The following CHST11 variants were observed in gnomAD, a reference collection of about 807,000 sequenced individuals.
CHST11 encodes the protein C4S-1.
A neutral mutation model predicts 30.4 loss-of-function variants in CHST11; 9 were observed. The ratio of observed to expected loss-of-function variants is 0.30; its 90% confidence interval spans 0.18 to 0.52. The LOEUF (loss-of-function observed/expected upper bound fraction) is 0.52. Among genes scored for constraint, CHST11 ranks in the 20% least tolerant of loss-of-function variants. The pLI, the probability that CHST11 is intolerant of heterozygous loss-of-function variation, is 0.97. For synonymous variants in CHST11, 152 were observed against 187.8 expected, an observed-to-expected ratio of 0.81 and a Z score of 1.56; for missense variants, 348 against 460.6, an observed-to-expected ratio of 0.76 and a Z score of 2.24.
chr12:104,524,039 CTTTTTTTT>C lies in CHST11; in HGVS notation c.118+66521_118+66528del, dbSNP rs10594720. On this transcript the variant is annotated intron_variant, in intron 1 of 2. Coordinates refer to ENST00000303694, the MANE Select transcript of CHST11 (RefSeq NM_018413.6). The stretch of plus-strand genomic sequence containing the variant: ...CCAGATATTTTTGTTTTCTTTCTTT[CTTTTTTTT>C]TTTTTTTTTTGCCTCTCAATTGGAG... 8.1e-3 allele frequency among the ~76,000 whole-genome samples: 1,041 copies of C among 128,060 alleles called. 11 individuals carry two copies. Among genetic ancestry groups the C allele is most frequent in the Middle Eastern group, 0.028 (7 of 254 alleles). 84.0% of individuals were successfully genotyped at this position (128,060 alleles called of 152,430 possible). A position where few individuals can be genotyped will look rare whatever the true frequency, so the allele number is the denominator to read the frequency against.
chr12:104,626,526 T>C (rs1042061012), intron 2 of CHST11, among the ~76,000 whole-genome samples: 1 of 150,690 alleles, frequency 6.6e-6, no homozygotes, highest in Admixed American at 6.6e-5. Flanking sequence ...GAGAGGGTTC[T>C]GTACATTTGT....
chr12:104,754,229 C>T (rs891919910), intron 2 of CHST11, among the ~76,000 whole-genome samples: 22 of 152,178 alleles, frequency 1.4e-4, no homozygotes, highest in African/African-American at 5.1e-4. Context: ...CATCGTATCC[C>T]GGCTAGGACC....
intron 2 of CHST11, among the ~76,000 whole-genome samples, chr12:104,726,326 C>G (rs1307290420): frequency 1.3e-5 from 2 of 152,116 alleles, no homozygotes; most frequent in African/African-American, 4.8e-5. Flanking sequence ...ATTTGTACAT[C>G]CCCTGGTGCA....
At chr12:104,502,447 C>T (rs2037861388) in intron 1 of CHST11, among the ~76,000 whole-genome samples, 1 of 152,020 alleles carries the variant, frequency 6.6e-6, no homozygotes, top group Non-Finnish European at 1.5e-5. Context: ...TTTTCGAGTA[C>T]CCATTGGTTG....
At chr12:104,520,745 G>A (rs940396881) in intron 1 of CHST11, among the ~76,000 whole-genome samples, 16 of 152,176 alleles carry the variant, frequency 1.1e-4, no homozygotes, top group African/African-American at 2.4e-4. Flanking sequence ...GCATGGGAGC[G>A]GGGATGGCAG....
rs115005088 is a variant in CHST11 at position 104,729,475 on chromosome 12, C to G, written c.205-27474C>G. On this transcript the variant is annotated intron_variant, in intron 2 of 2. Transcript: ENST00000303694. The surrounding 1 kb of genome is among the most constrained non-coding windows in gnomAD (Gnocchi z 4.0). ...TTGTGAAGAATGCAGATTCCTGTGC[C>G]CAGATTGGGTTTCTGGGAGCAGGGC... is the stretch of plus-strand genomic sequence containing the variant. 6.2e-3 allele frequency among the ~76,000 whole-genome samples: 949 copies of G among 152,224 alleles called. 16 individuals carry two copies. The highest frequency in any genetic ancestry group is 0.021 in the African/African-American group (891 of 41,530).
chr12:104,478,291 T>C (rs2037584382), intron 1 of CHST11, among the ~76,000 whole-genome samples: 1 of 152,164 alleles, frequency 6.6e-6, no homozygotes. Context: ...TTATTTTCTT[T>C]TCTTAAACAT....
intron 1 of CHST11, among the ~76,000 whole-genome samples, chr12:104,557,887 G>A (rs1444060055): frequency 6.6e-6 from 1 of 152,082 alleles, no homozygotes; most frequent in African/African-American, 2.4e-5. Context: ...AAGCCTTCGT[G>A]GGGGTGTAGG....
chr12:104,691,667 C>A (rs1183606955), intron 2 of CHST11, among the ~76,000 whole-genome samples: 2 of 151,694 alleles, frequency 1.3e-5, no homozygotes, highest in African/African-American at 4.8e-5. Flanking sequence ...TTTTTTTATT[C>A]TTCATACAGT....
chr12:104,538,514 C>A (rs1001710267), intron 1 of CHST11, among the ~76,000 whole-genome samples: 1 of 152,160 alleles, frequency 6.6e-6, no homozygotes, highest in Non-Finnish European at 1.5e-5. Context: ...AGTCATTATA[C>A]GCAGCCTAAA....
rs1245753530 is a variant in CHST11, at chr12:104,628,078, A to T, written c.204+26087A>T. Among the ~76,000 whole-genome samples, 36 of 152,168 alleles carry T rather than the reference A, an allele frequency of 2.4e-4. 1 individual carries two copies. Among genetic ancestry groups the T allele is most frequent in the Admixed American group, 2.4e-3 (36 of 15,280 alleles). The stretch of plus-strand genomic sequence containing the variant: ...TAATCCCCAGCCATCTAATGCCCTT[A>T]TCCCCTTCCCCGCTGCCTGGCACAG... On this transcript the variant is annotated intron_variant, in intron 2 of 2. Coordinates refer to ENST00000303694, the MANE Select transcript of CHST11 (RefSeq NM_018413.6).
chr12:104,488,412 T>G (rs1328318500), intron 1 of CHST11, among the ~76,000 whole-genome samples: 1 of 151,414 alleles, frequency 6.6e-6, no homozygotes, highest in African/African-American at 2.4e-5. Context: ...TCCAGGTATG[T>G]GTATGTGTCT....
chr12:104,635,914 G>A (rs1318498152), intron 2 of CHST11, among the ~76,000 whole-genome samples: 4 of 152,194 alleles, frequency 2.6e-5, no homozygotes, highest in Admixed American at 6.5e-5. Flanking sequence ...ACACAACACC[G>A]CCTTAATGAA....
intron 2 of CHST11, among the ~76,000 whole-genome samples, chr12:104,755,543 T>C (rs892932210): frequency 6.6e-6 from 1 of 152,256 alleles, no homozygotes; most frequent in Non-Finnish European, 1.5e-5. Flanking sequence ...CTCAGCACTT[T>C]GGGAGACTGA....
At chr12:104,530,521 C>T (rs2038172599) in intron 1 of CHST11, among the ~76,000 whole-genome samples, 1 of 152,194 alleles carries the variant, frequency 6.6e-6, no homozygotes, top group Non-Finnish European at 1.5e-5. Context: ...AGGACATTGA[C>T]AGTTTAGGGA....
At chr12:104,667,426 A>G (rs1340066884) in intron 2 of CHST11, among the ~76,000 whole-genome samples, 2 of 152,198 alleles carry the variant, frequency 1.3e-5, no homozygotes, top group African/African-American at 2.4e-5. Flanking sequence ...GATAAATGTC[A>G]TTGGATGACA....
intron 1 of CHST11, among the ~76,000 whole-genome samples, chr12:104,462,167 CAAAAA>C (rs796356338): frequency 1.5e-5 from 1 of 65,594 alleles, no homozygotes; most frequent in Non-Finnish European, 3.3e-5. Context: ...AACACCATCT[CAAAAA>C]AAAAAAAAAA....
At chr12:104,583,078 C>T (rs762723250) in intron 1 of CHST11, among the ~76,000 whole-genome samples, 12 of 152,046 alleles carry the variant, frequency 7.9e-5, no homozygotes, top group South Asian at 4.1e-4. Flanking sequence ...TATCTAAGTG[C>T]GGCCACATAC....
chr12:104,526,573 G>A (rs2038128215), intron 1 of CHST11, among the ~76,000 whole-genome samples: 1 of 152,186 alleles, frequency 6.6e-6, no homozygotes, highest in Admixed American at 6.5e-5. Context: ...TTATTTGTGA[G>A]GGGTGCTTGT....
Sources: gnomAD v4.1 joint callset for allele counts (sites outside exome capture counted in the v4.1 genomes callset) on GRCh38, gnomAD v4.1.1 for gene constraint, Gnocchi (gnomAD v3.1) non-coding constraint, MANE v1.5 for transcripts, NCBI Gene and HGNC (gene_info 2026-07-23, HGNC 2026-07-21) for gene names.